DTL: variants seen among roughly 807,000 people sequenced by gnomAD.
DTL encodes denticleless protein homolog.
In DTL, 46 loss-of-function variants were observed where a neutral mutation model predicts 87.0. The observed-to-expected ratio is 0.53, with a 90% CI of 0.42 to 0.68. The LOEUF (loss-of-function observed/expected upper bound fraction) is 0.68, where lower values mean the gene tolerates loss of function less well. Among genes scored for constraint, DTL ranks in the 30% least tolerant of loss-of-function variants. The pLI is 0.00. For synonymous variants in DTL, 308 were observed against 311.2 expected, an observed-to-expected ratio of 0.99 and a Z score of 0.11; for missense variants, 737 against 869.4, an observed-to-expected ratio of 0.85 and a Z score of 1.91.
chr1:212,047,450 A>G (rs1285623088), intron 5 of DTL, 33 bp downstream of exon 5: 2 of 1,612,806 alleles, frequency 1.2e-6, no homozygotes, highest in South Asian at 1.1e-5. Context: ...TCATCTCCTT[A>G]ACCTTCTTTG....
At chr1:212,044,855 T>G in intron 3 of DTL, 97 bp downstream of exon 3, 2 of 731,426 alleles carry the variant, frequency 2.7e-6, no homozygotes, top group South Asian at 3.7e-5. Context: ...TAGTCTGTCT[T>G]CTGTTGCTAT....
chr1:212,041,697 A>T (rs1265977923), intron 1 of DTL, among the ~76,000 whole-genome samples: 2 of 151,898 alleles, frequency 1.3e-5, no homozygotes. Flanking sequence ...TTTTTAGTAG[A>T]GACGGGGTTT....
intron 13 of DTL, among the ~76,000 whole-genome samples, chr1:212,084,670 G>C (rs1213067314): frequency 6.6e-6 from 1 of 151,988 alleles, no homozygotes; most frequent in East Asian, 1.9e-4. Context: ...AAATAGTTTT[G>C]TGCATTTCTA....
At chr1:212,044,892 T>C (rs894844221) in intron 3 of DTL, 134 bp downstream of exon 3, 2 of 598,414 alleles carry the variant, frequency 3.3e-6, no homozygotes, top group African/African-American at 1.9e-5. Flanking sequence ...CTGGGTAGTT[T>C]ATATAGAAAA....
intron 13 of DTL, among the ~76,000 whole-genome samples, chr1:212,087,616 C>T (rs183364266): frequency 6.6e-6 from 1 of 152,038 alleles, no homozygotes; most frequent in Non-Finnish European, 1.5e-5. Context: ...AGAGTTATGC[C>T]TAGATTACTC....
At chr1:212,041,732 G>A (rs996545439) in intron 1 of DTL, among the ~76,000 whole-genome samples, 1 of 151,958 alleles carries the variant, frequency 6.6e-6, no homozygotes, top group Non-Finnish European at 1.5e-5. Context: ...GGATGGTCTC[G>A]ATCTCCTGAC....
chr1:212,040,792 A>C (rs1003510297), intron 1 of DTL, among the ~76,000 whole-genome samples: 2 of 152,254 alleles, frequency 1.3e-5, no homozygotes, highest in Non-Finnish European at 2.9e-5. Flanking sequence ...CTCTGGACAC[A>C]GGGATGATTC....
chr1:212,052,916 A>G (rs1436225564), intron 5 of DTL, among the ~76,000 whole-genome samples: 1 of 152,158 alleles, frequency 6.6e-6, no homozygotes, highest in African/African-American at 2.4e-5. Flanking sequence ...TGCAGCTATC[A>G]CCACAATCTA....
intron 13 of DTL, among the ~76,000 whole-genome samples, chr1:212,098,654 T>C (rs1456742320): frequency 6.6e-6 from 1 of 152,020 alleles, no homozygotes; most frequent in East Asian, 1.9e-4. Flanking sequence ...TATGGCTGCC[T>C]CTGCTGCTTC....
chr1:212,100,832 T>C lies in DTL; in HGVS notation c.1842T>C (p.Ala614=). 6.2e-7 allele frequency: 1 copy of C among 1,614,154 alleles called. No individual in the cohort carries two copies. The highest frequency in any genetic ancestry group is 1.7e-5 in the Admixed American group (1 of 60,022). Residue 614 remains alanine, a synonymous_variant, in exon 14 of 15, where the codon GCT becomes GCC. Transcript: ENST00000366991. Reference sequence around the variant, plus strand: ...CCAAATCAAGCAAAATTGAAGGAGCTGGTACCAGTATCTCAGAGCCTCCGT... The same window carrying C: ...CCAAATCAAGCAAAATTGAAGGAGCCGGTACCAGTATCTCAGAGCCTCCGT... The part of the protein sequence containing the change: ...GPTKSSKIEG[A]GTSISEPPSP...
At chr1:212,053,226 A>ATTT (rs546887571) in intron 5 of DTL, among the ~76,000 whole-genome samples, 89 of 146,992 alleles carry the variant, frequency 6.1e-4, no homozygotes, top group African/African-American at 2.1e-3. Context: ...CTATCCAGTG[A>ATTT]TTTTTTTTTT....
chr1:212,087,119 C>A (rs1192676266), intron 13 of DTL, among the ~76,000 whole-genome samples: 1 of 152,164 alleles, frequency 6.6e-6, no homozygotes, highest in East Asian at 1.9e-4. Flanking sequence ...ACAACTGAAA[C>A]TGAAGGTCAA....
At chr1:212,051,732 C>G (rs1206821697) in intron 5 of DTL, 6 of 1,122,108 alleles carry the variant, frequency 5.3e-6, no homozygotes, top group Non-Finnish European at 8.0e-6. Flanking sequence ...GTGCTCAATA[C>G]GCACATTAAT....
chr1:212,057,958 T>G (rs971536293), intron 5 of DTL, among the ~76,000 whole-genome samples: 1 of 152,162 alleles, frequency 6.6e-6, no homozygotes, highest in African/African-American at 2.4e-5. Flanking sequence ...ACAGACTTTA[T>G]GTCAAAAGCA....
At chr1:212,066,623 T>A (rs946362244) in intron 7 of DTL, among the ~76,000 whole-genome samples, 189 bp from the exon 8 acceptor site, 6 of 152,236 alleles carry the variant, frequency 3.9e-5, no homozygotes, top group African/African-American at 1.4e-4. Flanking sequence ...ATATTAACAC[T>A]GTATACTAAA....
At chr1:212,099,284 G>A (rs551684526) in intron 13 of DTL, among the ~76,000 whole-genome samples, 13 of 152,192 alleles carry the variant, frequency 8.5e-5, no homozygotes. Context: ...GCAGGCTGGA[G>A]TGCAGTGCAT....
At chr1:212,094,609 T>C (rs1457890979) in intron 13 of DTL, among the ~76,000 whole-genome samples, 3 of 152,224 alleles carry the variant, frequency 2.0e-5, no homozygotes, top group Non-Finnish European at 4.4e-5. Flanking sequence ...CATATGACTT[T>C]TCAGATTGTT....
At chr1:212,080,466 G>C in intron 12 of DTL, 149 bp from the exon 13 acceptor site, 1 of 691,302 alleles carries the variant, frequency 1.4e-6, no homozygotes, top group South Asian at 2.8e-5. Context: ...AGAAATGGAT[G>C]TACATGATCT....
chr1:212,079,050 T>C (rs1339483909), intron 12 of DTL, among the ~76,000 whole-genome samples: 3 of 152,084 alleles, frequency 2.0e-5, no homozygotes, highest in Non-Finnish European at 4.4e-5. Context: ...TTCCAGAAAC[T>C]TCTCATGGTC....
Sources: allele counts gnomAD v4.1 joint callset (sites outside exome capture counted in the v4.1 genomes callset), GRCh38; gene constraint gnomAD v4.1.1; transcripts MANE v1.5; gene names NCBI Gene and HGNC (gene_info 2026-07-23, HGNC 2026-07-21).